The following ZBTB34 variants were observed in gnomAD, a reference collection of about 807,000 sequenced individuals.
ZBTB34 encodes the protein zinc finger and BTB domain containing 34, also known as zinc finger and BTB domain-containing protein 34.
In ZBTB34, 1 loss-of-function variant was observed where a neutral mutation model predicts 33.4. The observed-to-expected ratio is 0.03, with a 90% CI of 0.01 to 0.14. ZBTB34 has a LOEUF of 0.14. ZBTB34 is among the 10% of genes least tolerant of loss of function. ZBTB34 has a pLI of 1.00. For synonymous variants in ZBTB34, 283 were observed against 253.5 expected (o/e 1.12, Z -1.11); for missense variants, 406 against 657.2 (o/e 0.62, Z 4.18).
chr9:126,866,253 C>T (rs1370730744), intron 1 of ZBTB34, among the ~76,000 whole-genome samples: 1 of 152,178 alleles, frequency 6.6e-6, no homozygotes. Context: ...TCCCACGACC[C>T]CGTGAAAAAC....
chr9:126,880,354 T>G lies in ZBTB34; in HGVS notation c.955T>G (p.Phe319Val). ...CCCATCCAGGTCCATGCTGAGCTGTTTCCGAGGAGGGCGTGCCCGCCAGAA... is the reference window on the plus strand; with the variant it reads ...CCCATCCAGGTCCATGCTGAGCTGTGTCCGAGGAGGGCGTGCCCGCCAGAA... Residue 319 changes from phenylalanine to valine, a missense_variant, in exon 2 of 2, where the codon TTC (phenylalanine) becomes GTC (valine). Coordinates refer to ENST00000319119, the Ensembl canonical transcript of ZBTB34. This position sits in a 1 kb window ranked among gnomAD's most constrained non-coding sequence, Gnocchi z 6.7. 6.2e-7 allele frequency: 1 copy of G among 1,613,950 alleles called. No homozygotes were observed. Among genetic ancestry groups the G allele is most frequent in the African/African-American group, 1.3e-5 (1 of 75,078 alleles).
chr9:126,883,927 C>T (rs886318280), exon 2 of ZBTB34: 5 of 167,024 alleles, frequency 3.0e-5, no homozygotes, highest in Non-Finnish European at 5.9e-5. Context: ...ACCACAGAAC[C>T]GAAACATTCT....
chr9:126,868,438 G>A (rs1459065914), intron 1 of ZBTB34, among the ~76,000 whole-genome samples: 1 of 152,122 alleles, frequency 6.6e-6, no homozygotes, highest in Non-Finnish European at 1.5e-5. Context: ...TGGCTCGTGC[G>A]GTCATTTCCA....
chr9:126,879,296 G>A lies in ZBTB34; in HGVS notation c.-10-94G>A, dbSNP rs942664388. ...CAGGTAGATTTTAGGAGGTATGATA[G>A]CCACAATGGTATTGTTGTTGTAAGC... On this transcript the variant is annotated intron_variant, in intron 1 of 1. Coordinates refer to ENST00000319119, the Ensembl canonical transcript of ZBTB34. This position sits in a 1 kb window ranked among gnomAD's most constrained non-coding sequence, Gnocchi z 6.4. 5 of 1,030,628 alleles carry A rather than the reference G, an allele frequency of 4.9e-6. No individual in the cohort carries two copies. Among genetic ancestry groups the A allele is most frequent in the Admixed American group, 4.9e-5 (2 of 40,404 alleles). The allele number at this position is 1,030,628 out of a possible 1,614,324, so 63.8% of individuals were successfully genotyped here. A position where few individuals can be genotyped will look rare whatever the true frequency, so the allele number is the denominator to read the frequency against.
chr9:126,876,745 C>T (rs1318674517), intron 1 of ZBTB34, among the ~76,000 whole-genome samples: 2 of 152,164 alleles, frequency 1.3e-5, no homozygotes, highest in Non-Finnish European at 2.9e-5. Context: ...CTTGGCACTT[C>T]TGTTTCTTAT....
chr9:126,865,319 C>G (rs1462380777), intron 1 of ZBTB34, among the ~76,000 whole-genome samples: 1 of 152,234 alleles, frequency 6.6e-6, no homozygotes, highest in Admixed American at 6.5e-5. Flanking sequence ...CTGAGAGCCT[C>G]TCTGCCCCAG....
At chr9:126,868,181 G>T (rs553038329) in intron 1 of ZBTB34, among the ~76,000 whole-genome samples, 5 of 152,224 alleles carry the variant, frequency 3.3e-5, no homozygotes, top group African/African-American at 1.2e-4. Context: ...GGATTGGGGG[G>T]TGTCTCTCCC....
At chr9:126,871,953 A>G (rs1461292499) in intron 1 of ZBTB34, among the ~76,000 whole-genome samples, 1 of 151,190 alleles carries the variant, frequency 6.6e-6, no homozygotes, top group Non-Finnish European at 1.5e-5. Flanking sequence ...CTGTCTCTAC[A>G]AATTTTTTTT....
At chr9:126,861,071 G>A (rs1365804328) in intron 1 of ZBTB34, among the ~76,000 whole-genome samples, 3 of 152,100 alleles carry the variant, frequency 2.0e-5, no homozygotes, top group Admixed American at 6.5e-5. Context: ...TCCGCCCGGG[G>A]CGTCTCGGGA....
chr9:126,884,266 CT>C (rs1470201216), exon 2 of ZBTB34: 1 of 166,992 alleles, frequency 6.0e-6, no homozygotes, highest in Non-Finnish European at 1.5e-5. Context: ...GAATTTTATA[CT>C]TTTACTAATG....
At chr9:126,875,542 A>G (rs2033344434) in intron 1 of ZBTB34, among the ~76,000 whole-genome samples, 1 of 151,264 alleles carries the variant, frequency 6.6e-6, no homozygotes, top group Admixed American at 6.6e-5. Flanking sequence ...TTTCTTGTTG[A>G]CCCTGTTTTT....
chr9:126,865,353 G>GCAGT, intron 1 of ZBTB34, among the ~76,000 whole-genome samples: 1 of 152,362 alleles, frequency 6.6e-6, no homozygotes, highest in Admixed American at 6.5e-5. Context: ...CTCTGGGCAC[G>GCAGT]CAGTCCCTGC....
exon 2 of ZBTB34, chr9:126,881,469 A>G (rs2033440740): frequency 6.0e-6 from 1 of 166,436 alleles, no homozygotes; most frequent in African/African-American, 2.4e-5. Context: ...ATAATTTAAT[A>G]CAATGTGAAC....
intron 1 of ZBTB34, 87 bp downstream of exon 1, chr9:126,860,826 G>A (rs2033132768): frequency 6.8e-6 from 1 of 147,086 alleles, no homozygotes; most frequent in Admixed American, 6.8e-5. Flanking sequence ...CAGTCCCCGG[G>A]CCGCTGTCCG....
chr9:126,875,110 G>A (rs960421508), intron 1 of ZBTB34, among the ~76,000 whole-genome samples: 2 of 152,174 alleles, frequency 1.3e-5, no homozygotes, highest in South Asian at 4.1e-4. Flanking sequence ...TGAGCGCATG[G>A]AATGTGGTTA....
rs750421133 is a variant in ZBTB34 at position 126,879,828 on chromosome 9, C to T, written c.429C>T (p.Val143=). The T allele has an allele frequency of 3.7e-6, 6 of 1,613,044 alleles. No homozygotes were observed. In the Admixed American group the frequency reaches 5.0e-5, roughly 13 times the overall value. The change falls in exon 2 of 2, where the codon GTC becomes GTT. Residue 143 remains valine (V), a synonymous_variant. Coordinates refer to ENST00000319119, the Ensembl canonical transcript of ZBTB34. The surrounding 1 kb of genome is among the most constrained non-coding windows in gnomAD (Gnocchi z 6.4). ...TTGGAGATGTTGACTCTGTTACCGT[C>T]GGTGCTGAAGAGAATCCCGAGAGTC...
At chr9:126,868,338 A>C (rs937917344) in intron 1 of ZBTB34, among the ~76,000 whole-genome samples, 2 of 152,052 alleles carry the variant, frequency 1.3e-5, no homozygotes, top group Non-Finnish European at 2.9e-5. Context: ...ATCAGACCTT[A>C]ATTTTCTTTT....
chr9:126,860,980 C>T (rs1421407560), intron 1 of ZBTB34, among the ~76,000 whole-genome samples: 7 of 151,760 alleles, frequency 4.6e-5, no homozygotes, highest in Non-Finnish European at 8.8e-5. Context: ...CCCGAGGGGC[C>T]AGCTGTGCTC....
At chr9:126,872,203 G>C (rs1037665090) in intron 1 of ZBTB34, among the ~76,000 whole-genome samples, 3 of 152,022 alleles carry the variant, frequency 2.0e-5, no homozygotes, top group Non-Finnish European at 4.4e-5. Flanking sequence ...CACCCGCCTC[G>C]GCCTCCCAAA....
Sources: gnomAD v4.1 joint callset for allele counts (sites outside exome capture counted in the v4.1 genomes callset) on GRCh38, gnomAD v4.1.1 for gene constraint, Gnocchi (gnomAD v3.1) non-coding constraint, MANE v1.5 for transcripts, NCBI Gene and HGNC (gene_info 2026-07-23, HGNC 2026-07-21) for gene names.